The following MYLK3 variants were observed in gnomAD, a reference collection of about 807,000 sequenced individuals.
MYLK3 encodes myosin light chain kinase 3.
MYLK3 carries 55 observed loss-of-function variants against 76.3 expected under a neutral mutation model. That is an observed-to-expected ratio of 0.72 (90% CI 0.58 to 0.90). The LOEUF (loss-of-function observed/expected upper bound fraction) is 0.90, where lower values mean the gene tolerates loss of function less well. Ranked by LOEUF, MYLK3 falls within the 40% of genes least tolerant of loss-of-function variation. The pLI is 0.00. For synonymous variants in MYLK3, 416 were observed against 425.4 expected (o/e 0.98, Z 0.27); for missense variants, 973 against 1,053.6 (o/e 0.92, Z 1.06).
In MYLK3 at chr16:46,747,835, G is replaced by A. The variant is rs765956381; in HGVS notation, c.359C>T (p.Ala120Val). ...RLEALFRMVA[A>V]VDRAIALVGA... ...CACCAAAGCGATGGCCCTGTCCACC[G>A]CAGCCACCATCCTGAAGAGGGCCTC... Residue 120 changes from alanine to valine, a missense_variant, in exon 1 of 13, where the codon GCG becomes GTG. Ala to Val is a moderately conservative substitution (Grantham distance 64, BLOSUM62 0). Around this residue, in one of 2 missense-constraint regions of MYLK3, gnomAD observed 641 missense variants for 637.0 expected, o/e 1.01. Transcript: ENST00000394809. 10 of 1,614,012 alleles carry A rather than the reference G, an allele frequency of 6.2e-6. No individual in the cohort carries two copies. The highest frequency in any genetic ancestry group is 7.6e-6 in the Non-Finnish European group (9 of 1,180,026).
chr16:46,756,071 G>A (rs536487213), intron 1 of MYLK3, among the ~76,000 whole-genome samples: 2 of 151,722 alleles, frequency 1.3e-5, no homozygotes, highest in Non-Finnish European at 2.9e-5. Context: ...CACCACACCC[G>A]GCTAATTTTT....
chr16:46,749,752 C>G (rs942038074), upstream of MYLK3, among the ~76,000 whole-genome samples: 2 of 152,180 alleles, frequency 1.3e-5, no homozygotes, highest in Non-Finnish European at 2.9e-5. Flanking sequence ...AATAAATACA[C>G]GAAAGCACCA....
intron 6 of MYLK3, 137 bp from the exon 7 acceptor site, chr16:46,729,270 C>T: frequency 1.4e-6 from 1 of 694,212 alleles, no homozygotes. Context: ...CCTGACTCAA[C>T]ACCCAAACCA....
chr16:46,728,776 T>C (rs1358380672), intron 7 of MYLK3, among the ~76,000 whole-genome samples: 1 of 152,186 alleles, frequency 6.6e-6, no homozygotes. Context: ...GTAGTATAGG[T>C]CAATTGACAT....
chr16:46,725,126 T>G (rs575188588), intron 8 of MYLK3, among the ~76,000 whole-genome samples: 2 of 152,354 alleles, frequency 1.3e-5, no homozygotes, highest in South Asian at 4.1e-4. Context: ...GAAATACAAT[T>G]GATTTTTGTA....
Position 46,712,667 on chromosome 16 carries a change from C to A in MYLK3, c.2095G>T (p.Gly699Ter). 6.4e-7 allele frequency: 1 copy of A among 1,563,548 alleles called. No individual in the cohort carries two copies. The highest frequency in any genetic ancestry group is 8.7e-7 in the Non-Finnish European group (1 of 1,154,112). The change falls in exon 10 of 13, where the codon GGA becomes TGA. Residue 699 changes from glycine to a stop codon, truncating the protein, a stop_gained. Transcript: ENST00000394809. LOFTEE classifies it high-confidence loss of function. ...VSFPTDMWSV[G>*]VITYMLLSGL... ...ACTCACAGCATGTAGGTGATGACTC[C>A]CACACTCCACATGTCTGTGGGGAAT...
At chr16:46,727,506 T>G in intron 7 of MYLK3, 129 bp from the exon 8 acceptor site, 1 of 980,716 alleles carries the variant, frequency 1.0e-6, no homozygotes, top group Admixed American at 3.0e-5. Context: ...GTCACAGGGC[T>G]GCTGCCACTG....
chr16:46,753,746 AC>A (rs1967160709), intron 1 of MYLK3, among the ~76,000 whole-genome samples: 1 of 152,122 alleles, frequency 6.6e-6, no homozygotes, highest in African/African-American at 2.4e-5. Flanking sequence ...CCCTGTCTCT[AC>A]AAAAAAAAAA....
intron 1 of MYLK3, among the ~76,000 whole-genome samples, chr16:46,747,398 C>T (rs1967046000): frequency 6.6e-6 from 1 of 152,200 alleles, no homozygotes; most frequent in Non-Finnish European, 1.5e-5. Flanking sequence ...AGGGCAGTCA[C>T]GGGGGTGTCA....
At position 46,710,808 on chromosome 16, in the gene MYLK3, A is replaced by G. The variant is rs1280982030; in HGVS notation, c.2115-19T>C. ...ACTGAGTCTATAGAAGAGAGAAAGG[A>G]CCATCAGTAGGTGGAGGCCACATTT... On this transcript the variant is annotated intron_variant, in intron 10 of 12. Coordinates refer to ENST00000394809, the MANE Select transcript of MYLK3 (RefSeq NM_182493.3). 6.2e-7 allele frequency: 1 copy of G among 1,613,862 alleles called. No individual in the cohort carries two copies. The highest frequency in any genetic ancestry group is 8.5e-7 in the Non-Finnish European group (1 of 1,180,008).
At chr16:46,758,425 C>T (rs1034331539) in intron 1 of MYLK3, among the ~76,000 whole-genome samples, 3 of 152,168 alleles carry the variant, frequency 2.0e-5, no homozygotes, top group African/African-American at 2.4e-5. Context: ...CTCACAGCCC[C>T]TGCGCTGAGC....
intron 4 of MYLK3, among the ~76,000 whole-genome samples, chr16:46,731,280 G>A (rs1332074108): frequency 1.3e-5 from 2 of 152,234 alleles, no homozygotes; most frequent in Non-Finnish European, 2.9e-5. Flanking sequence ...TGTCGGCAAG[G>A]GAAATAGAGG....
At chr16:46,721,249 G>T in intron 8 of MYLK3, 56 bp from the exon 9 acceptor site, 1 of 1,515,722 alleles carries the variant, frequency 6.6e-7, no homozygotes, top group Non-Finnish European at 9.2e-7. Context: ...GTCTGCAGCT[G>T]CCACACTTGT....
intron 1 of MYLK3, among the ~76,000 whole-genome samples, chr16:46,756,781 C>T (rs1967206217): frequency 6.6e-6 from 1 of 152,184 alleles, no homozygotes; most frequent in Admixed American, 6.6e-5. Flanking sequence ...CCATTAACTG[C>T]AATAACCACA....
chr16:46,738,157 G>A lies in MYLK3; in HGVS notation c.569-14C>T, dbSNP rs2143015890. ...CCTTCTGGCTCTCTACAGGAAAACA[G>A]GCAGGACAAAAATGCACTCCCATGT... On this transcript the variant is annotated splice_polypyrimidine_tract_variant and intron_variant, in intron 2 of 12. Transcript: ENST00000394809. 1.3e-6 allele frequency: 2 copies of A among 1,500,308 alleles called. No homozygotes were observed. The highest frequency in any genetic ancestry group is 1.8e-6 in the Non-Finnish European group (2 of 1,128,846). The allele number at this position is 1,500,308 out of a possible 1,614,324, so 92.9% of individuals were successfully genotyped here. A position where few individuals can be genotyped will look rare whatever the true frequency, so the allele number is the denominator to read the frequency against.
At chr16:46,748,436 C>G (rs1294913974), upstream of MYLK3, 2 of 621,300 alleles carry the variant, frequency 3.2e-6, no homozygotes, top group African/African-American at 3.7e-5. This position sits in a 1 kb window ranked among gnomAD's most constrained non-coding sequence, Gnocchi z 4.3. Flanking sequence ...GAGGTCAGCC[C>G]AGGCCCTTCT....
upstream of MYLK3, among the ~76,000 whole-genome samples, chr16:46,753,111 G>A (rs1462871200): frequency 6.6e-6 from 1 of 152,186 alleles, no homozygotes; most frequent in Admixed American, 6.5e-5. Flanking sequence ...AAGAAAAACT[G>A]CAGCCTCACT....
At chr16:46,750,999 TAATAAA>T (rs1437905680), upstream of MYLK3, among the ~76,000 whole-genome samples, 26 of 150,272 alleles carry the variant, frequency 1.7e-4, no homozygotes, top group South Asian at 5.3e-3. Flanking sequence ...GTCTCAAAAA[TAATAAA>T]AATAATAATA....
At chr16:46,762,254 T>C (rs997664763) in intron 1 of MYLK3, among the ~76,000 whole-genome samples, 8 of 152,250 alleles carry the variant, frequency 5.3e-5, no homozygotes. Flanking sequence ...TATACATGTA[T>C]GTATGCCAGT....
Sources: allele counts gnomAD v4.1 joint callset (sites outside exome capture counted in the v4.1 genomes callset), GRCh38; gene constraint gnomAD v4.1.1; regional missense constraint gnomAD v4.1.1; non-coding constraint Gnocchi (gnomAD v3.1); transcripts MANE v1.5; gene names NCBI Gene and HGNC (gene_info 2026-07-23, HGNC 2026-07-21).